Variants in IL20RB observed in about 807,000 individuals in gnomAD.
IL20RB encodes the protein interleukin-20 receptor subunit beta.
In IL20RB, 21 loss-of-function variants were observed where a neutral mutation model predicts 33.3. The observed-to-expected ratio is 0.63, with a 90% CI of 0.45 to 0.91. The LOEUF (loss-of-function observed/expected upper bound fraction) is 0.91, where lower values mean the gene tolerates loss of function less well. Among genes scored for constraint, IL20RB ranks in the 40% least tolerant of loss-of-function variants. The probability of loss-of-function intolerance (pLI) is 0.00; values close to 1 mark genes in which losing one functional copy is unlikely to be tolerated. For missense variants in IL20RB, 345 were observed against 384.8 expected (o/e 0.90, Z 0.86); for synonymous variants, 147 against 146.8 (o/e 1.00, Z -0.01).
At chr3:136,984,995 G>T (rs945957680) in intron 3 of IL20RB, among the ~76,000 whole-genome samples, 1 of 152,186 alleles carries the variant, frequency 6.6e-6, no homozygotes, top group African/African-American at 2.4e-5. Context: ...GGCAGCTGTT[G>T]CTGGAAAGCA....
At chr3:136,995,669 T>C in intron 6 of IL20RB, 113 bp downstream of exon 6, 1 of 967,100 alleles carries the variant, frequency 1.0e-6, no homozygotes, top group Middle Eastern at 3.0e-4. Context: ...TATAGGCATC[T>C]GCACAGAGAG....
intron 3 of IL20RB, among the ~76,000 whole-genome samples, chr3:136,983,238 C>A: frequency 6.6e-6 from 1 of 152,146 alleles, no homozygotes; most frequent in East Asian, 1.9e-4. Flanking sequence ...CAGGCGTGCA[C>A]CACCATGCCT....
chr3:137,006,206 T>C (rs951247128), intron 6 of IL20RB, among the ~76,000 whole-genome samples: 3 of 151,926 alleles, frequency 2.0e-5, no homozygotes, highest in African/African-American at 7.2e-5. Context: ...CACTTTTTCC[T>C]TCATTTCAAC....
At position 136,962,290 on chromosome 3, in the gene IL20RB, T is replaced by C. The variant is rs1046597822; in HGVS notation, c.88+4089T>C. ...TAGCTTTACAGTAGAGACACTTTCT[T>C]AACCAAGTGATCAGGGTGGTTAACA... On this transcript the variant is annotated intron_variant, in intron 1 of 6. Transcript: ENST00000329582. Among the ~76,000 whole-genome samples the C allele has an allele frequency of 2.0e-5, 3 of 152,192 alleles. No individual in the cohort carries two copies. In the East Asian group the frequency reaches 5.8e-4, roughly 29 times the overall value.
Position 137,010,523 on chromosome 3 carries a change from T to C in IL20RB, c.*300T>C, listed in dbSNP as rs1933068941. ...GTTTTCTCATCTGTAATGGGGGAAT[T>C]ACCTACACACCTGCTAAACACACAC... On this transcript the variant is annotated 3_prime_UTR_variant, in exon 7 of 7. Coordinates refer to ENST00000329582, the MANE Select transcript of IL20RB (RefSeq NM_144717.4). 3.4e-6 allele frequency: 1 copy of C among 292,936 alleles called. No individual in the cohort carries two copies. Among genetic ancestry groups the C allele is most frequent in the East Asian group, 6.6e-5 (1 of 15,234 alleles). The allele number at this position is 292,936 out of a possible 1,614,324, so 18.1% of individuals were successfully genotyped here.
chr3:136,995,463 G>A lies in IL20RB; in HGVS notation c.732G>A (p.Met244Ile). 6.2e-7 allele frequency: 1 copy of A among 1,614,142 alleles called. No individual in the cohort carries two copies. Among genetic ancestry groups the A allele is most frequent in the Non-Finnish European group, 8.5e-7 (1 of 1,180,034 alleles). Residue 244 changes from methionine to isoleucine, a missense_variant, in exon 6 of 7, where the codon ATG becomes ATA. By Grantham distance (10) the Met-to-Ile change is conservative. Transcript: ENST00000329582. ...CCCTGTTTGCCTTTGTTGGCTTCAT[G>A]CTGATCCTTGTGGTCGTGCCACTGT... ...VLALFAFVGF[M>I]LILVVVPLFV...
At chr3:137,007,238 G>A (rs1018296839) in intron 6 of IL20RB, among the ~76,000 whole-genome samples, 4 of 152,038 alleles carry the variant, frequency 2.6e-5, no homozygotes, top group Non-Finnish European at 4.4e-5. Context: ...TAGGCTACAC[G>A]GGGGTCAGTG....
intron 6 of IL20RB, among the ~76,000 whole-genome samples, chr3:137,000,803 G>A (rs1443287167): frequency 1.3e-5 from 2 of 152,168 alleles, no homozygotes; most frequent in African/African-American, 4.8e-5. Context: ...CTTCTGTTGT[G>A]ATTTCTCTCT....
intron 5 of IL20RB, 93 bp downstream of exon 5, chr3:136,992,181 T>C: frequency 7.2e-7 from 1 of 1,386,212 alleles, no homozygotes; most frequent in Non-Finnish European, 9.8e-7. Flanking sequence ...TGGTTCTGAG[T>C]TTTTCCTTGA....
chr3:137,010,286 G>C lies in IL20RB; in HGVS notation c.*63G>C, dbSNP rs1243105211. On this transcript the variant is annotated 3_prime_UTR_variant, in exon 7 of 7. Transcript: ENST00000329582. Reference sequence around the variant, plus strand: ...CTGCATGACATGGAAACCATGAGGGGACAAGTTGTGTTTCTGTTTTCCGCC... The same window carrying C: ...CTGCATGACATGGAAACCATGAGGGCACAAGTTGTGTTTCTGTTTTCCGCC... The C allele has an allele frequency of 1.3e-6, 1 of 798,820 alleles. No individual in the cohort carries two copies. The highest frequency in any genetic ancestry group is 1.7e-5 in the African/African-American group (1 of 58,602). The allele number at this position is 798,820 out of a possible 1,614,324, so 49.5% of individuals were successfully genotyped here. A position where few individuals can be genotyped will look rare whatever the true frequency, so the allele number is the denominator to read the frequency against.
At chr3:136,975,464 G>A (rs1244065608) in intron 1 of IL20RB, among the ~76,000 whole-genome samples, 1 of 151,958 alleles carries the variant, frequency 6.6e-6, no homozygotes, top group African/African-American at 2.4e-5. Flanking sequence ...TCAGCCTCCC[G>A]AGTAGCTGGG....
At chr3:137,004,229 TG>T (rs566464112) in intron 6 of IL20RB, among the ~76,000 whole-genome samples, 12 of 152,344 alleles carry the variant, frequency 7.9e-5, no homozygotes, top group Non-Finnish European at 1.3e-4. Context: ...TTCTCTTTTT[TG>T]TGTGTATGTC....
rs1933087338 is a variant in IL20RB at position 137,010,976 on chromosome 3, A to G, written c.*753A>G. ...AAATGTATGTGTGCAATGCGACGAG[A>G]ATGCAGAAGTCAGTAACATGTGCAT... On this transcript the variant is annotated 3_prime_UTR_variant, in exon 7 of 7. Coordinates refer to ENST00000329582, the MANE Select transcript of IL20RB (RefSeq NM_144717.4). The G allele has an allele frequency of 2.0e-5, 3 of 152,260 alleles. No individual in the cohort carries two copies. Among genetic ancestry groups the G allele is most frequent in the Admixed American group, 2.0e-4 (3 of 15,280 alleles). 9.4% of individuals were successfully genotyped at this position (152,260 alleles called of 1,614,324 possible).
intron 1 of IL20RB, among the ~76,000 whole-genome samples, chr3:136,960,173 G>A (rs1250002007): frequency 4.0e-5 from 4 of 99,478 alleles, no homozygotes; most frequent in Non-Finnish European, 5.5e-5. Flanking sequence ...TTTTTTGACC[G>A]AGTCTCGTTC....
chr3:136,980,144 G>A (rs752443370), intron 1 of IL20RB, among the ~76,000 whole-genome samples: 1 of 152,082 alleles, frequency 6.6e-6, no homozygotes, highest in Non-Finnish European at 1.5e-5. Context: ...AACATGGTAA[G>A]TATTAGATAA....
At chr3:136,962,312 A>T (rs1360040225) in intron 1 of IL20RB, among the ~76,000 whole-genome samples, 1 of 152,230 alleles carries the variant, frequency 6.6e-6, no homozygotes, top group Non-Finnish European at 1.5e-5. Context: ...CAGGGTGGTT[A>T]ACATCACCAG....
intron 6 of IL20RB, among the ~76,000 whole-genome samples, chr3:137,008,478 T>C (rs993112763): frequency 5.3e-5 from 8 of 152,350 alleles, no homozygotes; most frequent in Middle Eastern, 3.4e-3. Context: ...AATCTCTTGA[T>C]TTTTAAATGT....
At position 136,989,578 on chromosome 3, in the gene IL20RB, C is replaced by G. The variant is rs777196545; in HGVS notation, c.531+13C>G. The G allele has an allele frequency of 6.2e-7, 1 of 1,613,372 alleles. No individual in the cohort carries two copies. Among genetic ancestry groups the G allele is most frequent in the East Asian group, 2.2e-5 (1 of 44,828 alleles). Reference sequence around the variant, plus strand: ...GCCTGGTGCCGAGGTGAGACTCCAGCCTTGGCCTTTGGGTCAGGCTTCGGG... The same window carrying G: ...GCCTGGTGCCGAGGTGAGACTCCAGGCTTGGCCTTTGGGTCAGGCTTCGGG... On this transcript the variant is annotated intron_variant, in intron 4 of 6. Transcript: ENST00000329582.
chr3:136,979,701 C>T (rs1232207065), intron 1 of IL20RB, among the ~76,000 whole-genome samples: 1 of 152,202 alleles, frequency 6.6e-6, no homozygotes, highest in Non-Finnish European at 1.5e-5. Flanking sequence ...GCTCAGGGGC[C>T]TGCAGTCTTT....
Sources: allele counts gnomAD v4.1 joint callset (sites outside exome capture counted in the v4.1 genomes callset), GRCh38; gene constraint gnomAD v4.1.1; transcripts MANE v1.5; gene names NCBI Gene and HGNC (gene_info 2026-07-23, HGNC 2026-07-21).